CTNNA3: variants seen among roughly 807,000 people sequenced by gnomAD.
The protein encoded by CTNNA3 is catenin alpha-3.
Under a neutral mutation model 95.7 loss-of-function variants are expected in CTNNA3, and 76 were observed. The observed-to-expected ratio is 0.79, with a 90% CI of 0.66 to 0.96. The LOEUF is 0.96. CTNNA3 is among the 40% of genes least tolerant of loss of function. The pLI is 0.00. For missense variants in CTNNA3, 1,191 were observed against 1,089.8 expected (o/e 1.09, Z -1.31); for synonymous variants, 431 against 374.4 (o/e 1.15, Z -1.74).
intron 4 of CTNNA3, among the ~76,000 whole-genome samples, chr10:67,522,769 T>C (rs982042823): frequency 2.0e-5 from 3 of 151,918 alleles, no homozygotes; most frequent in Admixed American, 6.6e-5. Flanking sequence ...TCACAAGAAA[T>C]TGGATTCTTG....
chr10:67,450,791 A>T (rs1015341254), intron 5 of CTNNA3, among the ~76,000 whole-genome samples: 6 of 151,880 alleles, frequency 4.0e-5, no homozygotes, highest in East Asian at 1.9e-4. Context: ...ATAAAAGTTT[A>T]AAAAAAAGTT....
chr10:67,384,762 G>C (rs1158979516), intron 5 of CTNNA3, among the ~76,000 whole-genome samples: 3 of 152,200 alleles, frequency 2.0e-5, no homozygotes, highest in Non-Finnish European at 2.9e-5. Context: ...CTTAGAAATA[G>C]AGCATGGAAT....
At chr10:66,422,108 G>A (rs891305121) in intron 11 of CTNNA3, among the ~76,000 whole-genome samples, 3 of 151,524 alleles carry the variant, frequency 2.0e-5, no homozygotes, top group African/African-American at 2.4e-5. Context: ...ATTTCTCAAC[G>A]GATCCTTAGA....
At chr10:67,161,453 G>A (rs1282919669) in intron 7 of CTNNA3, among the ~76,000 whole-genome samples, 2 of 151,644 alleles carry the variant, frequency 1.3e-5, no homozygotes, top group African/African-American at 4.8e-5. Context: ...CTGGTAAAAT[G>A]TCAACTTTAT....
intron 9 of CTNNA3, among the ~76,000 whole-genome samples, chr10:66,729,279 T>C (rs984755288): frequency 6.6e-6 from 1 of 152,136 alleles, no homozygotes; most frequent in Non-Finnish European, 1.5e-5. Flanking sequence ...TCAGAATAGC[T>C]ATTAAAAAGT....
chr10:67,640,803 T>C (rs1013374489), intron 2 of CTNNA3, among the ~76,000 whole-genome samples: 13 of 152,298 alleles, frequency 8.5e-5, no homozygotes, highest in Admixed American at 4.6e-4. Context: ...GCTAGCCATA[T>C]ATAGAAAGCT....
chr10:67,506,478 C>T (rs1305234930), intron 5 of CTNNA3, among the ~76,000 whole-genome samples: 2 of 152,168 alleles, frequency 1.3e-5, no homozygotes, highest in African/African-American at 4.8e-5. Context: ...CTTCTCATTA[C>T]ATATTAAATT....
intron 5 of CTNNA3, among the ~76,000 whole-genome samples, chr10:67,263,799 C>G (rs924782843): frequency 6.6e-6 from 1 of 152,152 alleles, no homozygotes; most frequent in Non-Finnish European, 1.5e-5. Flanking sequence ...TCTGCTGTCG[C>G]TGGTGAAGAA....
At chr10:66,022,964 T>C (rs1265901433) in intron 15 of CTNNA3, among the ~76,000 whole-genome samples, 1 of 152,218 alleles carries the variant, frequency 6.6e-6, no homozygotes. Context: ...TGCTCCCTCA[T>C]TGTTTTCCCA....
intron 13 of CTNNA3, among the ~76,000 whole-genome samples, chr10:66,115,020 T>A (rs556877108): frequency 6.6e-6 from 1 of 152,182 alleles, no homozygotes; most frequent in South Asian, 2.1e-4. Context: ...CATTTTTCTA[T>A]CTTTTATCAT....
At chr10:66,196,857 G>A (rs1225297142) in intron 13 of CTNNA3, among the ~76,000 whole-genome samples, 1 of 152,150 alleles carries the variant, frequency 6.6e-6, no homozygotes, top group Non-Finnish European at 1.5e-5. Context: ...CAGCTGCAGT[G>A]GTGACACCAG....
intron 2 of CTNNA3, among the ~76,000 whole-genome samples, chr10:67,615,022 CA>C (rs1843600464): frequency 6.6e-6 from 1 of 152,120 alleles, no homozygotes; most frequent in South Asian, 2.1e-4. Context: ...CTTCTATATC[CA>C]AAGGCCCTGT....
intron 8 of CTNNA3, among the ~76,000 whole-genome samples, chr10:66,771,540 C>T (rs567847593): frequency 6.6e-6 from 1 of 152,210 alleles, no homozygotes; most frequent in South Asian, 2.1e-4. Context: ...CTGGGAGGTT[C>T]TGAAAGTGAA....
At chr10:67,074,069 C>T (rs1405479037) in intron 7 of CTNNA3, among the ~76,000 whole-genome samples, 4 of 120,490 alleles carry the variant, frequency 3.3e-5, no homozygotes, top group African/African-American at 1.3e-4. Flanking sequence ...CAGAGTCTGG[C>T]TCTGTCTCCA....
chr10:67,607,532 G>A (rs1843317617), intron 2 of CTNNA3, among the ~76,000 whole-genome samples: 1 of 152,144 alleles, frequency 6.6e-6, no homozygotes. Context: ...AAGAGATGGA[G>A]GAGGTGGAAG....
intron 7 of CTNNA3, among the ~76,000 whole-genome samples, chr10:66,803,169 T>A (rs1027060689): frequency 6.6e-6 from 1 of 152,018 alleles, no homozygotes; most frequent in African/African-American, 2.4e-5. Flanking sequence ...CAATAGATAA[T>A]TTACTTTTTA....
At chr10:66,043,134 G>GAAA (rs60278132) in intron 15 of CTNNA3, among the ~76,000 whole-genome samples, 6 of 102,932 alleles carry the variant, frequency 5.8e-5, no homozygotes, top group East Asian at 2.8e-4. Flanking sequence ...TCCGGGTAAT[G>GAAA]AAAAAAAAAA....
chr10:66,294,588 A>C (rs1043605140), intron 12 of CTNNA3, among the ~76,000 whole-genome samples: 3 of 152,206 alleles, frequency 2.0e-5, no homozygotes, highest in Admixed American at 1.3e-4. Flanking sequence ...CTAGAAGAAA[A>C]GAGTTCATAA....
At chr10:66,357,619 T>C (rs1459392922) in intron 12 of CTNNA3, among the ~76,000 whole-genome samples, 4 of 152,180 alleles carry the variant, frequency 2.6e-5, no homozygotes, top group Admixed American at 6.6e-5. Flanking sequence ...AGTGTTTGAC[T>C]GGCTTCTTTC....
Sources: allele counts gnomAD v4.1 joint callset (sites outside exome capture counted in the v4.1 genomes callset), GRCh38; gene constraint gnomAD v4.1.1; transcripts MANE v1.5; gene names NCBI Gene and HGNC (gene_info 2026-07-23, HGNC 2026-07-21).